The following HMCN2 variants were observed in gnomAD, a reference collection of about 807,000 sequenced individuals.
HMCN2 encodes hemicentin 2.
HMCN2 carries 325 observed loss-of-function variants against 377.5 expected under a neutral mutation model. The ratio of observed to expected loss-of-function variants is 0.86; its 90% CI spans 0.79 to 0.94. HMCN2 has a LOEUF of 0.94. Among genes scored for constraint, HMCN2 ranks in the 40% least tolerant of loss-of-function variants. The pLI is 0.00. For synonymous variants in HMCN2, 2,007 were observed against 2,046.8 expected (o/e 0.98, Z 0.53); for missense variants, 4,543 against 4,725.3 (o/e 0.96, Z 1.13).
At chr9:130,382,578 C>A in intron 55 of HMCN2, 101 bp from the exon 56 acceptor site, 1 of 316,450 alleles carries the variant, frequency 3.2e-6, no homozygotes, top group Non-Finnish European at 4.6e-6. Flanking sequence ...GCATGAGGAT[C>A]CCGACCAGCA....
At chr9:130,331,818 G>A (rs1258813606) in intron 22 of HMCN2, among the ~76,000 whole-genome samples, 1 of 152,178 alleles carries the variant, frequency 6.6e-6, no homozygotes, top group Non-Finnish European at 1.5e-5. Flanking sequence ...TGTGGCTCCC[G>A]GAGGCAGCCG....
intron 22 of HMCN2, among the ~76,000 whole-genome samples, chr9:130,334,549 G>GTTTTTTTTTT (rs1192246439): frequency 1.0e-5 from 1 of 99,052 alleles, no homozygotes; most frequent in Non-Finnish European, 1.9e-5. Context: ...ACTTTTGGAA[G>GTTTTTTTTTT]TTTTTTTTTT....
intron 11 of HMCN2, 128 bp downstream of exon 11, chr9:130,305,130 T>G: frequency 2.7e-6 from 1 of 370,768 alleles, no homozygotes; most frequent in Non-Finnish European, 5.5e-6. Context: ...TTTTCAGTGT[T>G]TTTTGAACTT....
intron 1 of HMCN2, among the ~76,000 whole-genome samples, chr9:130,272,856 C>A (rs1554921678): frequency 6.6e-6 from 1 of 152,226 alleles, no homozygotes. Context: ...CTGCGCCTGG[C>A]CGAGCATCTT....
At chr9:130,407,481 ATT>A in intron 82 of HMCN2, 88 bp from the exon 83 acceptor site, 2 of 1,163,972 alleles carry the variant, frequency 1.7e-6, no homozygotes, top group Non-Finnish European at 1.1e-6. Context: ...CTGTTTCTGC[ATT>A]TTTATTAAGT....
chr9:130,334,695 T>TTCTTTCTTTATTTCTCTCTCTCTC (rs1838622984), intron 22 of HMCN2, among the ~76,000 whole-genome samples: 1 of 137,930 alleles, frequency 7.3e-6, no homozygotes, highest in Non-Finnish European at 1.5e-5. Flanking sequence ...CTTTCTCTCT[T>TTCTTTCTTTATTTCTCTCTCTCTC]TCTTTCTTTC....
intron 22 of HMCN2, among the ~76,000 whole-genome samples, chr9:130,337,482 G>T (rs1303568242): frequency 6.6e-6 from 1 of 152,152 alleles, no homozygotes; most frequent in East Asian, 1.9e-4. Flanking sequence ...GGTGTCAAGC[G>T]GTGGGCAGGT....
rs1840408802 is a variant in HMCN2, at chr9:130,361,963, C to G, written c.5951-45C>G. 2 of 984,686 alleles carry G rather than the reference C, an allele frequency of 2.0e-6. No homozygotes were observed. The highest frequency in any genetic ancestry group is 9.4e-5 in the South Asian group (2 of 21,262). 61.0% of individuals were successfully genotyped at this position (984,686 alleles called of 1,614,324 possible). ...CAGCCAGGGGCCCTGCCTGCTTTGC[C>G]CCAGTGGGGCTCAGCCTGTACCCCA... is the stretch of plus-strand genomic sequence containing the variant. On this transcript the variant is annotated intron_variant, in intron 38 of 97. Coordinates refer to ENST00000683500, the MANE Select transcript of HMCN2 (RefSeq NM_001291815.2). This position sits in a 1 kb window ranked among gnomAD's most constrained non-coding sequence, Gnocchi z 4.8.
chr9:130,391,272 C>A lies in HMCN2; in HGVS notation c.9736C>A (p.Leu3246Met). The part of the protein sequence containing the change: ...HHVLEGQEVR[L>M]DCEADGQPPP... ...TGTCTTGGAAGGGCAGGAGGTGCGG[C>A]TGGACTGTGAGGCCGATGGGCAGCC... The change falls in exon 64 of 98, where the codon CTG (leucine) becomes ATG (methionine). Residue 3246 changes from leucine (L) to methionine (M), a missense_variant. Transcript: ENST00000683500. The A allele has an allele frequency of 3.0e-6, 3 of 987,738 alleles. No individual in the cohort carries two copies. Among genetic ancestry groups the A allele is most frequent in the Non-Finnish European group, 3.6e-6 (3 of 830,164 alleles). The allele number at this position is 987,738 out of a possible 1,614,324, so 61.2% of individuals were successfully genotyped here. A position where few individuals can be genotyped will look rare whatever the true frequency, so the allele number is the denominator to read the frequency against.
chr9:130,397,610 A>C lies in HMCN2; in HGVS notation c.11281A>C (p.Asn3761His), dbSNP rs1397572389. ...CGGCCACTACCTCTGCCTGGCATCCAACTCTGCTGGCTCCGATCGTCAAGG... is the reference window on the plus strand; with the variant it reads ...CGGCCACTACCTCTGCCTGGCATCCCACTCTGCTGGCTCCGATCGTCAAGG... ...DAGHYLCLASNSAGSDRQGRD... is the reference protein window; with the variant it reads ...DAGHYLCLASHSAGSDRQGRD... Residue 3761 changes from asparagine to histidine, a missense_variant, in exon 74 of 98, where the codon AAC becomes CAC. Physicochemically the swap from Asn to His is moderately conservative, Grantham distance 68 (BLOSUM62 1). Around this residue, in one of 5 missense-constraint regions of HMCN2, gnomAD observed 1,073 missense variants for 1,319.5 expected, o/e 0.81. Coordinates refer to ENST00000683500, the MANE Select transcript of HMCN2 (RefSeq NM_001291815.2). The C allele has an allele frequency of 7.8e-7, 1 of 1,289,810 alleles. No homozygotes were observed. Among genetic ancestry groups the C allele is most frequent in the South Asian group, 1.2e-5 (1 of 81,030 alleles). 79.9% of individuals were successfully genotyped at this position (1,289,810 alleles called of 1,614,324 possible). A position where few individuals can be genotyped will look rare whatever the true frequency, so the allele number is the denominator to read the frequency against.
rs1564891738 is a variant in HMCN2 at position 130,432,502 on chromosome 9, C to T, written c.14841C>T (p.Tyr4947=). Residue 4947 remains tyrosine, a synonymous_variant, in exon 97 of 98, where the codon TAC becomes TAT. Coordinates refer to ENST00000683500, the MANE Select transcript of HMCN2 (RefSeq NM_001291815.2). ...TGTGCTTCAACACCCGTGGCAGCTACCAGTGTGTGGACACACCCTGTCCTG... is the reference window on the plus strand; with the variant it reads ...TGTGCTTCAACACCCGTGGCAGCTATCAGTGTGTGGACACACCCTGTCCTG... ...GQMCFNTRGS[Y]QCVDTPCPAT... 1 of 1,550,718 alleles carries T rather than the reference C, an allele frequency of 6.4e-7. No homozygotes were observed. The highest frequency in any genetic ancestry group is 8.7e-7 in the Non-Finnish European group (1 of 1,147,008).
intron 36 of HMCN2, 37 bp from the exon 37 acceptor site, chr9:130,359,282 C>T: frequency 8.6e-7 from 1 of 1,158,554 alleles, no homozygotes; most frequent in Non-Finnish European, 1.2e-6. Flanking sequence ...CCAGAGCTTG[C>T]ACCTACCAAG....
chr9:130,299,435 C>A (rs868917069), intron 8 of HMCN2, 147 bp downstream of exon 8: 3 of 347,912 alleles, frequency 8.6e-6, no homozygotes, highest in African/African-American at 2.2e-5. Context: ...CCCTATAAGG[C>A]ATTATGTTAA....
In HMCN2 at chr9:130,393,829, G is replaced by T. The variant is rs1364450399; in HGVS notation, c.10322G>T (p.Gly3441Val). 7.8e-7 allele frequency: 1 copy of T among 1,289,358 alleles called. No homozygotes were observed. The highest frequency in any genetic ancestry group is 1.2e-5 in the South Asian group (1 of 80,986). 79.9% of individuals were successfully genotyped at this position (1,289,358 alleles called of 1,614,324 possible). A position where few individuals can be genotyped will look rare whatever the true frequency, so the allele number is the denominator to read the frequency against. ...SLVELPCEAR[G>V]VPLPLVSWMK... ...GTGGAACTCCCGTGCGAGGCCCGGG[G>T]CGTTCCCCTGCCTCTCGTGTCGTGG... Residue 3441 changes from glycine (G) to valine (V), a missense_variant, in exon 68 of 98, where the codon GGC (glycine) becomes GTC (valine). By Grantham distance (109) the Gly-to-Val change is moderately radical. This residue lies in a region of HMCN2 where 1,073 missense variants were observed against 1,319.5 expected (regional missense o/e 0.81). Transcript: ENST00000683500. This position sits in a 1 kb window ranked among gnomAD's most constrained non-coding sequence, Gnocchi z 5.2.
At chr9:130,352,553 G>A (rs115960118) in intron 30 of HMCN2, among the ~76,000 whole-genome samples, 3,120 of 152,266 alleles carry the variant, frequency 0.02, 112 homozygotes, top group African/African-American at 0.072. Context: ...GGGTAGCATC[G>A]GTGGTGAGTG....
At chr9:130,277,128 A>G (rs1371869435) in intron 1 of HMCN2, among the ~76,000 whole-genome samples, 10 of 152,218 alleles carry the variant, frequency 6.6e-5, no homozygotes, top group Admixed American at 3.9e-4. Context: ...CGTGCTCCTC[A>G]CATGTCTGAG....
intron 56 of HMCN2, 142 bp downstream of exon 56, chr9:130,383,008 T>C (rs922599253): frequency 1.5e-5 from 6 of 399,838 alleles, no homozygotes; most frequent in African/African-American, 2.2e-5. Flanking sequence ...GAATCACCTG[T>C]GAGGAGGCAT....
intron 1 of HMCN2, among the ~76,000 whole-genome samples, chr9:130,272,715 T>C (rs1554921616): frequency 6.6e-6 from 1 of 152,096 alleles, no homozygotes; most frequent in African/African-American, 2.4e-5. Flanking sequence ...ACCTGGCTAA[T>C]TTTTGTGTGT....
At chr9:130,345,438 T>A (rs955908382) in intron 25 of HMCN2, among the ~76,000 whole-genome samples, 1 of 145,180 alleles carries the variant, frequency 6.9e-6, no homozygotes, top group Non-Finnish European at 1.6e-5. Context: ...GTGTAGTATG[T>A]GGTGTGTATG....
Sources: gnomAD v4.1 joint callset for allele counts (sites outside exome capture counted in the v4.1 genomes callset) on GRCh38, gnomAD v4.1.1 for gene constraint, gnomAD v4.1.1 regional missense constraint, Gnocchi (gnomAD v3.1) non-coding constraint, MANE v1.5 for transcripts, NCBI Gene and HGNC (gene_info 2026-07-23, HGNC 2026-07-21) for gene names.